Variants in SFMBT1 observed in about 807,000 individuals in gnomAD.
SFMBT1 encodes the protein scm-like with four MBT domains protein 1.
SFMBT1 carries 32 observed loss-of-function variants against 108.7 expected under a neutral mutation model. The ratio of observed to expected loss-of-function variants is 0.29; its 90% CI spans 0.22 to 0.40. The LOEUF is 0.40. SFMBT1 is among the 10% of genes least tolerant of loss of function. The probability of loss-of-function intolerance (pLI) is 1.00; values close to 1 mark genes in which losing one functional copy is unlikely to be tolerated. For synonymous variants in SFMBT1, 348 were observed against 369.5 expected (o/e 0.94, Z 0.67); for missense variants, 816 against 1,059.6 (o/e 0.77, Z 3.19).
At chr3:53,032,529 C>T (rs1269131885) in intron 1 of SFMBT1, among the ~76,000 whole-genome samples, 1 of 152,172 alleles carries the variant, frequency 6.6e-6, no homozygotes, top group East Asian at 1.9e-4. Flanking sequence ...GATGGAAAGC[C>T]ACTGGCAGCC....
intron 2 of SFMBT1, among the ~76,000 whole-genome samples, chr3:52,965,698 T>C (rs1704108348): frequency 6.6e-6 from 1 of 152,098 alleles, no homozygotes; most frequent in Admixed American, 6.6e-5. Context: ...CTGTCACTAC[T>C]AGACCTCCTT....
intron 1 of SFMBT1, among the ~76,000 whole-genome samples, chr3:53,018,690 G>A (rs1241888227): frequency 6.6e-6 from 1 of 152,106 alleles, no homozygotes; most frequent in Non-Finnish European, 1.5e-5. Context: ...CTAACTCACT[G>A]GTACTGCTCT....
intron 2 of SFMBT1, among the ~76,000 whole-genome samples, chr3:52,966,822 T>C (rs1013003942): frequency 6.6e-6 from 1 of 151,646 alleles, no homozygotes; most frequent in Non-Finnish European, 1.5e-5. Context: ...ATGTTAAGCA[T>C]GTCTGATGTG....
At position 52,923,438 on chromosome 3, in the gene SFMBT1, G is replaced by A. The variant is rs568675309; in HGVS notation, c.1132-1607C>T. Among the ~76,000 whole-genome samples, 6 of 151,954 alleles carry A rather than the reference G, an allele frequency of 3.9e-5. No individual in the cohort carries two copies. In the South Asian group the frequency reaches 1.0e-3, roughly 26 times the overall value. ...AAAAATTAGCTGGGTGTGGTGGCGG[G>A]CCCTATAATCCCAGCTGCTAAGGAG... On this transcript the variant is annotated intron_variant, in intron 10 of 20. Transcript: ENST00000394752.
intron 1 of SFMBT1, among the ~76,000 whole-genome samples, chr3:53,024,759 A>T (rs1699430490): frequency 6.6e-6 from 1 of 152,216 alleles, no homozygotes; most frequent in South Asian, 2.1e-4. Flanking sequence ...CCGGTCCAAC[A>T]ATCTCGCTGG....
chr3:52,964,719 T>C (rs1036891355), intron 2 of SFMBT1, among the ~76,000 whole-genome samples: 1 of 152,010 alleles, frequency 6.6e-6, no homozygotes, highest in Non-Finnish European at 1.5e-5. Context: ...CAGGAGGTAC[T>C]TGGGAATCTT....
chr3:52,978,235 G>C (rs9848885), intron 1 of SFMBT1, among the ~76,000 whole-genome samples: 2,378 of 152,206 alleles, frequency 0.016, 60 homozygotes, highest in African/African-American at 0.054. Flanking sequence ...CAGAAGGAAA[G>C]AGCATGCCAG....
chr3:52,928,345 T>C lies in SFMBT1; in HGVS notation c.898-4A>G, dbSNP rs767892362. On this transcript the variant is annotated splice_region_variant and splice_polypyrimidine_tract_variant and intron_variant, in intron 8 of 20. Transcript: ENST00000394752. ...GAAAGTACTTCTCATCAAAAACCTA[T>C]ACATGCAATTAATAGATGAAATAGA... 6 of 1,612,718 alleles carry C rather than the reference T, an allele frequency of 3.7e-6. No homozygotes were observed. Among genetic ancestry groups the C allele is most frequent in the African/African-American group, 1.3e-5 (1 of 74,898 alleles).
chr3:52,945,151 A>AAAAAAAAAAAAAAAAAAAC lies in SFMBT1; in HGVS notation c.124-1559_124-1558insGTTTTTTTTTTTTTTTTTT, dbSNP rs1208407962. 3.8e-4 allele frequency among the ~76,000 whole-genome samples: 57 copies of AAAAAAAAAAAAAAAAAAAC among 148,680 alleles called. 2 individuals carry two copies. The highest frequency in any genetic ancestry group is 1.4e-3 in the African/African-American group (56 of 40,212). On this transcript the variant is annotated intron_variant, in intron 3 of 20. Transcript: ENST00000394752. ...ACCTTCCAATTAAAAAAAAAAAAAA[A>AAAAAAAAAAAAAAAAAAAC]CAAGGACTTCAGGGAAAAAAGCTTA...
rs1253065058 is a variant in SFMBT1 at position 52,934,515 on chromosome 3, C to T, written c.453+298G>A. 6.6e-6 allele frequency among the ~76,000 whole-genome samples: 1 copy of T among 151,236 alleles called. No homozygotes were observed. The highest frequency in any genetic ancestry group is 1.5e-5 in the Non-Finnish European group (1 of 67,954). ...ACAAATGTCCACCCTCAAGCAGAATCGACCTCTGCTCAGTTTCAGAGTGAA... is the reference window on the plus strand; with the variant it reads ...ACAAATGTCCACCCTCAAGCAGAATTGACCTCTGCTCAGTTTCAGAGTGAA... On this transcript the variant is annotated intron_variant, in intron 5 of 20. Transcript: ENST00000394752.
rs565495791 is a variant in SFMBT1, at chr3:52,908,774, T to C, written c.1907-1041A>G. ...TCACTAGAGACGGGGTTTCACCATG[T>C]TGGTCAGGCTGGTCTTGAACTCCTG... On this transcript the variant is annotated intron_variant, in intron 17 of 20. Transcript: ENST00000394752. Among the ~76,000 whole-genome samples the C allele has an allele frequency of 4.6e-5, 7 of 152,324 alleles. No individual in the cohort carries two copies. The East Asian group carries it at 1.4e-3, about 29-fold the overall frequency.
At chr3:53,023,441 T>TG (rs1479145827) in intron 1 of SFMBT1, among the ~76,000 whole-genome samples, 1 of 152,242 alleles carries the variant, frequency 6.6e-6, no homozygotes, top group Non-Finnish European at 1.5e-5. Flanking sequence ...TCTCACTCTG[T>TG]GTTATTATTT....
At chr3:53,029,679 T>C (rs777035334) in intron 1 of SFMBT1, among the ~76,000 whole-genome samples, 25 of 152,218 alleles carry the variant, frequency 1.6e-4, no homozygotes, top group Admixed American at 3.9e-4. Context: ...CATTCAGGCC[T>C]TAGGCTTCAA....
intron 4 of SFMBT1, among the ~76,000 whole-genome samples, chr3:52,936,038 T>C (rs1702996782): frequency 6.6e-6 from 1 of 152,156 alleles, no homozygotes; most frequent in African/African-American, 2.4e-5. Context: ...TGCGGGGTGG[T>C]GAGGGTGAAA....
At chr3:53,014,831 A>C (rs1699071953) in intron 1 of SFMBT1, among the ~76,000 whole-genome samples, 3 of 152,216 alleles carry the variant, frequency 2.0e-5, no homozygotes, top group Admixed American at 6.5e-5. Context: ...CAGCAGAGAG[A>C]AACTATGAAT....
chr3:52,905,369 T>C, intron 20 of SFMBT1, 93 bp from the exon 21 acceptor site: 1 of 1,324,342 alleles, frequency 7.6e-7, no homozygotes, highest in Non-Finnish European at 1.0e-6. Context: ...CTGTCAAAAC[T>C]GGAATCCCTA....
rs113145076 is a variant in SFMBT1, at chr3:53,002,315, C to A, written c.-130-33057G>T. ...TTGGGAGGCTGAGGCAGGAGAATGG[C>A]GTGAACCCGGGAGGCGAAGCTTGCA... On this transcript the variant is annotated intron_variant, in intron 1 of 20. Transcript: ENST00000394752. Among the ~76,000 whole-genome samples the A allele has an allele frequency of 4.6e-3, 676 of 146,116 alleles. 18 individuals are homozygous for A. Among genetic ancestry groups the A allele is most frequent in the African/African-American group, 0.016 (649 of 40,342 alleles).
chr3:52,936,752 G>A (rs1436110338), intron 4 of SFMBT1, among the ~76,000 whole-genome samples: 1 of 152,098 alleles, frequency 6.6e-6, no homozygotes, highest in Admixed American at 6.6e-5. Flanking sequence ...TCAGTGTCTA[G>A]AGTTAATGCA....
chr3:52,945,810 CA>C (rs200165393), intron 3 of SFMBT1, among the ~76,000 whole-genome samples: 136 of 111,790 alleles, frequency 1.2e-3, no homozygotes, highest in Admixed American at 1.8e-3. Context: ...GACTCCATCT[CA>C]AAAAAAAAAA....
Sources: gnomAD v4.1 joint callset for allele counts (sites outside exome capture counted in the v4.1 genomes callset) on GRCh38, gnomAD v4.1.1 for gene constraint, MANE v1.5 for transcripts, NCBI Gene and HGNC (gene_info 2026-07-23, HGNC 2026-07-21) for gene names.